HECW2: variants seen among roughly 807,000 people sequenced by gnomAD.
HECW2 encodes E3 ubiquitin-protein ligase HECW2.
Under a neutral mutation model 175.2 loss-of-function variants are expected in HECW2, and 61 were observed. That is an observed-to-expected ratio of 0.35 (90% CI 0.28 to 0.43). HECW2 has a LOEUF of 0.43. HECW2 is among the 20% of genes least tolerant of loss of function. HECW2 has a pLI of 1.00. For synonymous variants in HECW2, 671 were observed against 731.0 expected (o/e 0.92, Z 1.32); for missense variants, 1,524 against 2,000.5 (o/e 0.76, Z 4.54).
intron 17 of HECW2, 39 bp from the exon 18 acceptor site, chr2:196,257,945 G>A: frequency 1.4e-6 from 2 of 1,432,530 alleles, no homozygotes; most frequent in Non-Finnish European, 2.0e-6. Flanking sequence ...GTATATGGTA[G>A]ACCTTTAGGC....
At chr2:196,225,550 CA>C (rs1290951293) in intron 23 of HECW2, among the ~76,000 whole-genome samples, 2 of 151,822 alleles carry the variant, frequency 1.3e-5, no homozygotes, top group Non-Finnish European at 2.9e-5. Flanking sequence ...GGGGGTAGAG[CA>C]AAACTAAAAA....
intron 2 of HECW2, among the ~76,000 whole-genome samples, chr2:196,361,245 C>T (rs1002943504): frequency 2.0e-5 from 3 of 152,124 alleles, no homozygotes; most frequent in African/African-American, 7.2e-5. Context: ...CAAGATACTA[C>T]ATAAAAACCA....
intron 1 of HECW2, among the ~76,000 whole-genome samples, chr2:196,553,437 G>A (rs1689669445): frequency 6.6e-6 from 1 of 152,174 alleles, no homozygotes; most frequent in Non-Finnish European, 1.5e-5. Context: ...TGGGCACACA[G>A]TAGAGAATAA....
intron 1 of HECW2, among the ~76,000 whole-genome samples, chr2:196,543,198 T>C (rs374750258): frequency 1.3e-5 from 2 of 151,272 alleles, no homozygotes; most frequent in South Asian, 4.1e-4. Context: ...TAGACATCAG[T>C]GGTTCAGTAG....
At chr2:196,273,613 GTTTAT>G (rs775476573) in intron 16 of HECW2, among the ~76,000 whole-genome samples, 1 of 152,076 alleles carries the variant, frequency 6.6e-6, no homozygotes. Flanking sequence ...CTCTTTGATT[GTTTAT>G]TTTGTGAGGC....
At chr2:196,282,170 G>A (rs1198286148) in intron 14 of HECW2, among the ~76,000 whole-genome samples, 1 of 152,188 alleles carries the variant, frequency 6.6e-6, no homozygotes, top group Non-Finnish European at 1.5e-5. Context: ...TTGTAAGTAT[G>A]TGTGGCCGAG....
chr2:196,258,191 T>C, intron 17 of HECW2: 1 of 338,106 alleles, frequency 3.0e-6, no homozygotes, highest in Non-Finnish European at 5.4e-6. Context: ...TAGTATACTA[T>C]TCAACCAATA....
intron 1 of HECW2, among the ~76,000 whole-genome samples, chr2:196,532,134 A>G (rs1300564279): frequency 6.6e-6 from 1 of 152,230 alleles, no homozygotes; most frequent in Non-Finnish European, 1.5e-5. Context: ...CTGGGTATAT[A>G]CCCAAAGGAT....
chr2:196,308,205 T>C (rs374262004), intron 10 of HECW2, 120 bp from the exon 11 acceptor site: 1 of 648,412 alleles, frequency 1.5e-6, no homozygotes, highest in South Asian at 2.9e-5. Context: ...ACTAATAACA[T>C]ACATCTCACT....
intron 2 of HECW2, among the ~76,000 whole-genome samples, chr2:196,376,820 G>A (rs1340468710): frequency 6.6e-6 from 1 of 151,660 alleles, no homozygotes; most frequent in Non-Finnish European, 1.5e-5. Flanking sequence ...TGTAATCCCA[G>A]CTACTCAAGA....
Position 196,413,896 on chromosome 2 carries a change from C to T in HECW2, c.292+19236G>A, listed in dbSNP as rs1225273242. ...TGGCTGGTGCTGGTCTCTATAGGAA[C>T]GCGGAAGCTGTTCTTAGTGACAGAT... On this transcript the variant is annotated intron_variant, in intron 2 of 28. Coordinates refer to ENST00000644978, the MANE Select transcript of HECW2 (RefSeq NM_001348768.2). Among the ~76,000 whole-genome samples the T allele has an allele frequency of 2.6e-5, 4 of 152,140 alleles. No individual in the cohort carries two copies. In the South Asian group the frequency reaches 6.2e-4, roughly 24 times the overall value.
intron 2 of HECW2, among the ~76,000 whole-genome samples, chr2:196,360,128 G>T (rs543666486): frequency 6.6e-6 from 1 of 152,126 alleles, no homozygotes; most frequent in Non-Finnish European, 1.5e-5. Context: ...CACAAAAAGA[G>T]CAGGGTAGCA....
At chr2:196,317,005 T>C in intron 10 of HECW2, 2 of 396,210 alleles carry the variant, frequency 5.0e-6, no homozygotes, top group Non-Finnish European at 9.3e-6. Flanking sequence ...ATGCACCCAA[T>C]TTCCCAAAAT....
intron 1 of HECW2, among the ~76,000 whole-genome samples, chr2:196,451,650 A>G (rs1291606918): frequency 6.6e-6 from 1 of 152,088 alleles, no homozygotes; most frequent in Non-Finnish European, 1.5e-5. Flanking sequence ...CTGTAATCCA[A>G]CCACTTTGGG....
chr2:196,373,339 A>C (rs1300468131), intron 2 of HECW2, among the ~76,000 whole-genome samples: 1 of 152,226 alleles, frequency 6.6e-6, no homozygotes, highest in Non-Finnish European at 1.5e-5. Flanking sequence ...AAGGAATTAT[A>C]ATTATGTTAA....
At chr2:196,359,674 T>C (rs1693515450) in intron 2 of HECW2, among the ~76,000 whole-genome samples, 1 of 152,264 alleles carries the variant, frequency 6.6e-6, no homozygotes, top group African/African-American at 2.4e-5. Context: ...ATTCCTTTGA[T>C]CTTAATGAGT....
intron 1 of HECW2, among the ~76,000 whole-genome samples, chr2:196,504,742 A>C (rs374580596): frequency 3.3e-5 from 5 of 152,158 alleles, no homozygotes; most frequent in African/African-American, 1.2e-4. Context: ...GTATGAACCA[A>C]CCTTACATAT....
At chr2:196,228,767 ACAAGTC>A (rs1216450952) in intron 21 of HECW2, among the ~76,000 whole-genome samples, 1 of 152,244 alleles carries the variant, frequency 6.6e-6, no homozygotes, top group Non-Finnish European at 1.5e-5. Flanking sequence ...CATTACAGAT[ACAAGTC>A]CCATTAGGGA....
chr2:196,426,650 G>A (rs1027009578), intron 2 of HECW2, among the ~76,000 whole-genome samples: 8 of 152,022 alleles, frequency 5.3e-5, no homozygotes, highest in African/African-American at 1.4e-4. Flanking sequence ...CAAGAAGGTG[G>A]TGAGCAAGTA....
Sources: allele counts gnomAD v4.1 joint callset (sites outside exome capture counted in the v4.1 genomes callset), GRCh38; gene constraint gnomAD v4.1.1; transcripts MANE v1.5; gene names NCBI Gene and HGNC (gene_info 2026-07-23, HGNC 2026-07-21).